The following CADM2 variants were observed in gnomAD, a reference collection of about 807,000 sequenced individuals.
The protein encoded by CADM2 is immunoglobulin superfamily member 4D.
In CADM2, 12 loss-of-function variants were observed where a neutral mutation model predicts 49.8. The ratio of observed to expected loss-of-function variants is 0.24; its 90% CI spans 0.15 to 0.39. CADM2 has a LOEUF of 0.39. Ranked by LOEUF, CADM2 falls within the 10% of genes least tolerant of loss-of-function variation. The pLI is 1.00. For missense variants in CADM2, 378 were observed against 492.3 expected, an observed-to-expected ratio of 0.77 and a Z score of 2.20; for synonymous variants, 214 against 175.4, an observed-to-expected ratio of 1.22 and a Z score of -1.74.
At chr3:85,383,818 C>A (rs1285416887) in intron 1 of CADM2, among the ~76,000 whole-genome samples, 2 of 151,446 alleles carry the variant, frequency 1.3e-5, no homozygotes, top group African/African-American at 4.8e-5. Flanking sequence ...AAAAAAGTTC[C>A]ATTCCTTTGT....
chr3:85,786,663 CTATCA>C lies in CADM2; in HGVS notation c.89-15382_89-15378del, dbSNP rs559089518. The stretch of plus-strand genomic sequence containing the variant: ...GATCAACACTTAAATAATTAAGGTA[CTATCA>C]TTTGAACACAATGTTTATGTGTTCA... On this transcript the variant is annotated intron_variant, in intron 2 of 9. Coordinates refer to ENST00000383699, the MANE Select transcript of CADM2 (RefSeq NM_001167675.2). 3.3e-5 allele frequency among the ~76,000 whole-genome samples: 5 copies of C among 152,154 alleles called. No homozygotes were observed. The South Asian group carries it at 1.0e-3, about 32-fold the overall frequency.
chr3:85,164,936 A>T (rs1316130499), intron 1 of CADM2, among the ~76,000 whole-genome samples: 1 of 151,750 alleles, frequency 6.6e-6, no homozygotes, highest in Admixed American at 6.6e-5. Context: ...GGTATTCTTA[A>T]ATATATATAG....
At chr3:85,192,751 T>A (rs906326302) in intron 1 of CADM2, among the ~76,000 whole-genome samples, 1 of 151,878 alleles carries the variant, frequency 6.6e-6, no homozygotes, top group Non-Finnish European at 1.5e-5. Flanking sequence ...CAGACTGACA[T>A]GGAGCAAGAG....
At chr3:85,307,941 A>AG (rs1315277303) in intron 1 of CADM2, among the ~76,000 whole-genome samples, 7 of 136,786 alleles carry the variant, frequency 5.1e-5, no homozygotes, top group Admixed American at 4.9e-4. Context: ...CAGAAAAATT[A>AG]GAAAAAAAAA....
At chr3:85,089,445 T>C (rs146103685) in intron 1 of CADM2, among the ~76,000 whole-genome samples, 194 of 152,248 alleles carry the variant, frequency 1.3e-3, no homozygotes, top group African/African-American at 4.1e-3. Flanking sequence ...TTAAATTCTT[T>C]CCTCAGTGCC....
intron 1 of CADM2, among the ~76,000 whole-genome samples, chr3:85,412,311 T>C (rs2035691279): frequency 6.6e-6 from 1 of 152,186 alleles, no homozygotes; most frequent in African/African-American, 2.4e-5. Flanking sequence ...CTATAAATAG[T>C]ATTTCACTAT....
At chr3:85,970,228 GA>G (rs1221093933) in intron 8 of CADM2, among the ~76,000 whole-genome samples, 1 of 151,308 alleles carries the variant, frequency 6.6e-6, no homozygotes. Flanking sequence ...TGCAATTAAA[GA>G]GTTATGCAAT....
chr3:85,653,507 G>A (rs982606230), intron 1 of CADM2, among the ~76,000 whole-genome samples: 12 of 151,766 alleles, frequency 7.9e-5, no homozygotes, highest in South Asian at 2.1e-4. Flanking sequence ...TAGGAACATG[G>A]TGATTGCTTT....
intron 1 of CADM2, among the ~76,000 whole-genome samples, chr3:85,603,811 T>G (rs2063481219): frequency 6.6e-6 from 1 of 151,974 alleles, no homozygotes; most frequent in African/African-American, 2.4e-5. Context: ...AGACTAGACT[T>G]CATAAGGACT....
intron 1 of CADM2, among the ~76,000 whole-genome samples, chr3:84,977,161 T>A (rs370090002): frequency 4.6e-5 from 7 of 151,986 alleles, no homozygotes; most frequent in African/African-American, 1.7e-4. Context: ...TTTATTATAC[T>A]GAAAGAAATC....
intron 3 of CADM2, among the ~76,000 whole-genome samples, chr3:85,808,465 C>T (rs1426985416): frequency 1.3e-5 from 2 of 152,040 alleles, no homozygotes; most frequent in East Asian, 1.9e-4. Context: ...TCAATTAGAT[C>T]GTAGTGTCTG....
intron 1 of CADM2, among the ~76,000 whole-genome samples, chr3:85,151,174 G>T (rs1490954416): frequency 1.3e-5 from 2 of 152,056 alleles, no homozygotes; most frequent in African/African-American, 4.8e-5. Flanking sequence ...CTTTGATTTT[G>T]GGAGTGCTAT....
chr3:85,800,739 A>G (rs764759677), intron 2 of CADM2: 35 of 152,268 alleles, frequency 2.3e-4, no homozygotes, highest in Non-Finnish European at 4.4e-5. Context: ...GGCTGCACCC[A>G]CTGTCTAACC....
intron 8 of CADM2, among the ~76,000 whole-genome samples, chr3:86,061,907 A>G (rs1402195065): frequency 6.6e-6 from 1 of 151,992 alleles, no homozygotes; most frequent in African/African-American, 2.4e-5. Flanking sequence ...TTTCCACATC[A>G]GAATGGCAAA....
At position 85,813,799 on chromosome 3, in the gene CADM2, G is replaced by A. The variant is rs549752647; in HGVS notation, c.238+11603G>A. Among the ~76,000 whole-genome samples the A allele has an allele frequency of 3.3e-5, 5 of 152,032 alleles. No individual in the cohort carries two copies. The South Asian group carries it at 6.2e-4, about 19-fold the overall frequency. ...AACACCATTTATTAAATATGGAATC[G>A]TTTCCCCATTGCTTGTTTGTGTCAG... is the stretch of plus-strand genomic sequence containing the variant. On this transcript the variant is annotated intron_variant, in intron 3 of 9. Transcript: ENST00000383699.
chr3:85,634,456 G>T (rs1488082733), intron 1 of CADM2, among the ~76,000 whole-genome samples: 2 of 151,482 alleles, frequency 1.3e-5, no homozygotes, highest in Admixed American at 6.6e-5. Context: ...ATATATAATT[G>T]AACCTAATTG....
chr3:85,102,053 C>A (rs756849932), intron 1 of CADM2, among the ~76,000 whole-genome samples: 2 of 152,078 alleles, frequency 1.3e-5, no homozygotes, highest in Non-Finnish European at 2.9e-5. Context: ...CATATGGAAT[C>A]CTGATTTTGT....
At chr3:85,694,625 T>G (rs1475440837) in intron 1 of CADM2, among the ~76,000 whole-genome samples, 1 of 152,216 alleles carries the variant, frequency 6.6e-6, no homozygotes, top group African/African-American at 2.4e-5. Flanking sequence ...TTTATAAATA[T>G]TTATTCATAC....
At position 85,074,316 on chromosome 3, in the gene CADM2, A is replaced by G. The variant is rs372422048; in HGVS notation, c.61+114648A>G. Among the ~76,000 whole-genome samples, 164 of 151,592 alleles carry G rather than the reference A, an allele frequency of 1.1e-3. 1 individual carries two copies. The South Asian group carries it at 0.021, about 19-fold the overall frequency. On this transcript the variant is annotated intron_variant, in intron 1 of 9. Transcript: ENST00000383699. ...CCTTCAAATCTTTGCTAAAATCTCA[A>G]CTTCTCAGTGGTGCTTACCCTGACT...
Sources: allele counts gnomAD v4.1 joint callset (sites outside exome capture counted in the v4.1 genomes callset), GRCh38; gene constraint gnomAD v4.1.1; transcripts MANE v1.5; gene names NCBI Gene and HGNC (gene_info 2026-07-23, HGNC 2026-07-21).